SNED1: variants seen among roughly 807,000 people sequenced by gnomAD.
SNED1 encodes sushi, nidogen and EGF-like domain-containing protein 1.
In SNED1, 81 loss-of-function variants were observed where a neutral mutation model predicts 166.7. The observed-to-expected ratio is 0.49, with a 90% CI of 0.41 to 0.58. The LOEUF (loss-of-function observed/expected upper bound fraction) is 0.58, where lower values mean the gene tolerates loss of function less well. Ranked by LOEUF, SNED1 falls within the 20% of genes least tolerant of loss-of-function variation. SNED1 has a pLI of 0.00. For missense variants in SNED1, 1,604 were observed against 2,000.2 expected (o/e 0.80, Z 3.78); for synonymous variants, 762 against 822.0 (o/e 0.93, Z 1.25).
At position 241,073,406 on chromosome 2, in the gene SNED1, T is replaced by C; in HGVS notation, c.3916+42T>C. On this transcript the variant is annotated intron_variant, in intron 27 of 31. Transcript: ENST00000310397. This position sits in a 1 kb window ranked among gnomAD's most constrained non-coding sequence, Gnocchi z 6.6. The stretch of plus-strand genomic sequence containing the variant: ...GGTGGGGACTTTGGGACTGACTGAC[T>C]GCTCTCAGGGGCCTTAGAGGCTGCA... The C allele has an allele frequency of 6.7e-7, 1 of 1,487,882 alleles. No homozygotes were observed. 92.2% of individuals were successfully genotyped at this position (1,487,882 alleles called of 1,614,324 possible).
chr2:241,085,061 GT>G (rs908315249), intron 29 of SNED1, among the ~76,000 whole-genome samples: 2 of 151,856 alleles, frequency 1.3e-5, no homozygotes, highest in Non-Finnish European at 2.9e-5. Flanking sequence ...CTTTATGACT[GT>G]TTTTGGACAA....
At chr2:241,079,265 A>G (rs2063206110) in intron 27 of SNED1, among the ~76,000 whole-genome samples, 1 of 150,608 alleles carries the variant, frequency 6.6e-6, no homozygotes, top group Non-Finnish European at 1.5e-5. Flanking sequence ...ACAAAAAATT[A>G]GCCGGGCGCA....
chr2:241,066,954 A>C lies in SNED1; in HGVS notation c.3011-810A>C, dbSNP rs555738445. ...CAAGGACACAGAGCACACCTCGGCCAGTGGAGAGCCTGGGCGCATGTGCGG... is the reference window on the plus strand; with the variant it reads ...CAAGGACACAGAGCACACCTCGGCCCGTGGAGAGCCTGGGCGCATGTGCGG... On this transcript the variant is annotated intron_variant, in intron 21 of 31. Coordinates refer to ENST00000310397, the MANE Select transcript of SNED1 (RefSeq NM_001080437.3). Among the ~76,000 whole-genome samples, 5 of 152,352 alleles carry C rather than the reference A, an allele frequency of 3.3e-5. No homozygotes were observed. In the East Asian group the frequency reaches 9.6e-4, roughly 29 times the overall value.
chr2:241,037,436 G>A, intron 6 of SNED1, 83 bp downstream of exon 6: 1 of 974,244 alleles, frequency 1.0e-6, no homozygotes, highest in Non-Finnish European at 1.6e-6. Context: ...TGAGGTCTTG[G>A]AAGGTCCAGC....
intron 31 of SNED1, chr2:241,089,152 A>C (rs1303614330): frequency 1.4e-6 from 1 of 716,158 alleles, no homozygotes; most frequent in African/African-American, 1.8e-5. Context: ...ATACCATAGA[A>C]AGCCATCTAC....
At chr2:241,061,854 CAAAAA>C in intron 16 of SNED1, among the ~76,000 whole-genome samples, 1 of 118,150 alleles carries the variant, frequency 8.5e-6, no homozygotes, top group South Asian at 2.7e-4. Flanking sequence ...TCCATCCCCC[CAAAAA>C]AAAAAAAAGA....
rs576790821 is a variant in SNED1, at chr2:241,065,234, G to A, written c.2714-65G>A. The A allele has an allele frequency of 3.9e-6, 6 of 1,551,804 alleles. No homozygotes were observed. In the East Asian group the frequency reaches 1.1e-4, roughly 30 times the overall value. On this transcript the variant is annotated intron_variant, in intron 20 of 31. Coordinates refer to ENST00000310397, the MANE Select transcript of SNED1 (RefSeq NM_001080437.3). ...CCAGACCCGGCTGAGCCGCCGACGGGAGCCAGGCATGCATAGCTAACGGCT... is the reference window on the plus strand; with the variant it reads ...CCAGACCCGGCTGAGCCGCCGACGGAAGCCAGGCATGCATAGCTAACGGCT...
intron 16 of SNED1, among the ~76,000 whole-genome samples, chr2:241,058,515 T>G (rs974532394): frequency 1.3e-5 from 2 of 152,216 alleles, no homozygotes; most frequent in Non-Finnish European, 2.9e-5. Flanking sequence ...AAAAGCCTAA[T>G]GTAACATGTT....
At chr2:241,015,275 C>CT (rs2060544167) in intron 1 of SNED1, among the ~76,000 whole-genome samples, 1 of 152,162 alleles carries the variant, frequency 6.6e-6, no homozygotes, top group Non-Finnish European at 1.5e-5. Flanking sequence ...ACTTAGTTGA[C>CT]TTTAACATTT....
In SNED1 at chr2:241,064,240, C is replaced by T. The variant is rs926407453; in HGVS notation, c.2599+115C>T. 7.2e-6 allele frequency: 5 copies of T among 694,274 alleles called. No homozygotes were observed. Among genetic ancestry groups the T allele is most frequent in the South Asian group, 3.8e-5 (2 of 52,398 alleles). 43.0% of individuals were successfully genotyped at this position (694,274 alleles called of 1,614,324 possible). On this transcript the variant is annotated intron_variant, in intron 19 of 31. Transcript: ENST00000310397. The surrounding 1 kb of genome is among the most constrained non-coding windows in gnomAD (Gnocchi z 7.0). ...CCCCGCCCTCTGCCCGCCTGCTCCC[C>T]GCCCTCTGCCCGCCGCCTTGGAAGT...
intron 27 of SNED1, among the ~76,000 whole-genome samples, chr2:241,078,113 G>A (rs187245958): frequency 1.3e-3 from 192 of 152,256 alleles, no homozygotes; most frequent in Admixed American, 2.6e-3. Flanking sequence ...GGCCGGGCGC[G>A]GTGGCTCACG....
chr2:241,063,799 C>T, intron 18 of SNED1, 99 bp downstream of exon 18: 3 of 975,558 alleles, frequency 3.1e-6, no homozygotes, highest in South Asian at 1.6e-5. Flanking sequence ...GGGCAGGCCA[C>T]CTGGGGAGAG....
At chr2:241,048,833 G>A in intron 10 of SNED1, 67 bp downstream of exon 10, 1 of 1,389,598 alleles carries the variant, frequency 7.2e-7, no homozygotes, top group Non-Finnish European at 1.0e-6. Flanking sequence ...ATGAATGGTG[G>A]CTTCGGCCGG....
chr2:241,021,819 A>G (rs2060782486), intron 1 of SNED1, among the ~76,000 whole-genome samples: 1 of 152,196 alleles, frequency 6.6e-6, no homozygotes. Flanking sequence ...GTGTATATTA[A>G]TTCTTTGTTT....
At chr2:241,042,174 T>C (rs1256759480) in intron 8 of SNED1, among the ~76,000 whole-genome samples, 1 of 152,140 alleles carries the variant, frequency 6.6e-6, no homozygotes, top group Non-Finnish European at 1.5e-5. Flanking sequence ...AGAGGAGACC[T>C]CCCTGAATTT....
intron 1 of SNED1, among the ~76,000 whole-genome samples, chr2:241,022,233 A>G (rs1443534723): frequency 6.6e-6 from 1 of 152,174 alleles, no homozygotes; most frequent in Non-Finnish European, 1.5e-5. Flanking sequence ...AATTCTGATA[A>G]TATTCAGTTC....
Position 241,070,049 on chromosome 2 carries a change from C to T in SNED1, c.3437C>T (p.Thr1146Ile). 6.2e-7 allele frequency: 1 copy of T among 1,613,060 alleles called. No individual in the cohort carries two copies. The highest frequency in any genetic ancestry group is 8.5e-7 in the Non-Finnish European group (1 of 1,179,890). ...YVINVTTSQS[T>I]KSRYVPNGKL... ...ATCAATGTGACCACCAGCCAGAGCA[C>T]CAAGAGCCGCTATGTCCCCAACGGG... Residue 1146 changes from threonine (T) to isoleucine (I), a missense_variant, in exon 24 of 32, where the codon ACC (threonine) becomes ATC (isoleucine). Physicochemically the swap from Thr to Ile is moderately conservative, Grantham distance 89. This residue lies in a region of SNED1 where 367 missense variants were observed against 379.4 expected (regional missense o/e 0.97). Transcript: ENST00000310397.
rs1466397475 is a variant in SNED1 at position 241,069,439 on chromosome 2, A to G, written c.3307+416A>G. On this transcript the variant is annotated intron_variant, in intron 23 of 31. Coordinates refer to ENST00000310397, the MANE Select transcript of SNED1 (RefSeq NM_001080437.3). The surrounding 1 kb of genome is among the most constrained non-coding windows in gnomAD (Gnocchi z 4.9). ...CCCAGTGCATGGGAGGGGTGACAGC[A>G]TGGACAGTCAGCGCGCAGGGGAGGG... Among the ~76,000 whole-genome samples the G allele has an allele frequency of 6.6e-6, 1 of 152,156 alleles. No homozygotes were observed. The highest frequency in any genetic ancestry group is 6.5e-5 in the Admixed American group (1 of 15,288).
At position 240,999,286 on chromosome 2, in the gene SNED1, G is replaced by A. The variant is rs1171953617; in HGVS notation, c.213+236G>A. Among the ~76,000 whole-genome samples the A allele has an allele frequency of 6.6e-6, 1 of 150,914 alleles. No individual in the cohort carries two copies. The highest frequency in any genetic ancestry group is 1.5e-5 in the Non-Finnish European group (1 of 67,592). ...CCGGGCACCGAGGCGGGGGCGAGTG[G>A]AGCGCGGCGCCCCGGCCCCTGCCAG... On this transcript the variant is annotated intron_variant, in intron 1 of 31. Coordinates refer to ENST00000310397, the MANE Select transcript of SNED1 (RefSeq NM_001080437.3). The surrounding 1 kb of genome is among the most constrained non-coding windows in gnomAD (Gnocchi z 5.8).
Sources: gnomAD v4.1 joint callset for allele counts (sites outside exome capture counted in the v4.1 genomes callset) on GRCh38, gnomAD v4.1.1 for gene constraint, gnomAD v4.1.1 regional missense constraint, Gnocchi (gnomAD v3.1) non-coding constraint, MANE v1.5 for transcripts, NCBI Gene and HGNC (gene_info 2026-07-23, HGNC 2026-07-21) for gene names.